The following BUB1 variants were observed in gnomAD, a reference collection of about 807,000 sequenced individuals.
BUB1 encodes mitotic checkpoint serine/threonine-protein kinase BUB1.
Under a neutral mutation model 135.2 loss-of-function variants are expected in BUB1, and 84 were observed. That is an observed-to-expected ratio of 0.62 (90% CI 0.52 to 0.74). BUB1 has a LOEUF of 0.74. BUB1 is among the 30% of genes least tolerant of loss of function. The pLI is 0.00. For missense variants in BUB1, 1,162 were observed against 1,288.3 expected, an observed-to-expected ratio of 0.90 and a Z score of 1.50; for synonymous variants, 403 against 434.4, an observed-to-expected ratio of 0.93 and a Z score of 0.90.
chr2:110,653,226 T>C (rs927791912), intron 17 of BUB1, among the ~76,000 whole-genome samples: 3 of 152,226 alleles, frequency 2.0e-5, no homozygotes, highest in Non-Finnish European at 2.9e-5. Flanking sequence ...ACCGGCCTGA[T>C]GTATCAAGTG....
intron 9 of BUB1, chr2:110,666,048 A>T (rs1690243167): frequency 4.9e-6 from 2 of 408,620 alleles, no homozygotes; most frequent in Non-Finnish European, 8.3e-6. Context: ...ACATGTACAC[A>T]TACACAAACA....
intron 24 of BUB1, 97 bp downstream of exon 24, chr2:110,639,645 G>A: frequency 1.0e-6 from 1 of 992,154 alleles, no homozygotes; most frequent in Middle Eastern, 2.1e-4. Context: ...GGATTTCCAT[G>A]CGGTGGCAGA....
chr2:110,667,375 T>C, intron 8 of BUB1, 146 bp downstream of exon 8: 2 of 909,220 alleles, frequency 2.2e-6, no homozygotes, highest in East Asian at 2.8e-5. Flanking sequence ...GGGTTAATAA[T>C]GATTTCTGGG....
intron 8 of BUB1, 137 bp downstream of exon 8, chr2:110,667,384 G>T: frequency 1.1e-6 from 1 of 950,134 alleles, no homozygotes; most frequent in Non-Finnish European, 1.5e-6. Flanking sequence ...ATGATTTCTG[G>T]GCTTCTGATA....
chr2:110,644,216 G>A (rs1248017100), intron 19 of BUB1, among the ~76,000 whole-genome samples: 4 of 151,858 alleles, frequency 2.6e-5, no homozygotes, highest in Non-Finnish European at 4.4e-5. Context: ...CGGGTGCAGC[G>A]GCTCACACCT....
chr2:110,662,007 C>T (rs913124348), intron 9 of BUB1, 166 bp from the exon 10 acceptor site: 2 of 765,786 alleles, frequency 2.6e-6, no homozygotes, highest in Non-Finnish European at 4.1e-6. Context: ...GTACAGTCAA[C>T]AACAAAAAGA....
Position 110,674,099 on chromosome 2 carries a change from T to A in BUB1, c.212A>T (p.Tyr71Phe). 1 of 1,529,820 alleles carries A rather than the reference T, an allele frequency of 6.5e-7. No homozygotes were observed. Among genetic ancestry groups the A allele is most frequent in the Non-Finnish European group, 9.0e-7 (1 of 1,109,400 alleles). 94.8% of individuals were successfully genotyped at this position (1,529,820 alleles called of 1,614,324 possible). The part of the protein sequence containing the change: ...KYHNDPRFIS[Y>F]CLKFAEYNSD... ...AAGTATACTTACAAATTTTAAACAATAACTGATGAATCTTGGGTCATTGTG... is the reference window on the plus strand; with the variant it reads ...AAGTATACTTACAAATTTTAAACAAAAACTGATGAATCTTGGGTCATTGTG... The change falls in exon 3 of 25, where the codon TAT becomes TTT. Residue 71 changes from tyrosine (Y) to phenylalanine (F), a missense_variant. Transcript: ENST00000302759.
intron 24 of BUB1, among the ~76,000 whole-genome samples, chr2:110,638,829 A>G (rs2104511405): frequency 6.6e-6 from 1 of 152,382 alleles, no homozygotes; most frequent in East Asian, 1.9e-4. Flanking sequence ...CTCATTATGC[A>G]GAATAAAGAA....
Position 110,641,641 on chromosome 2 carries a change from C to T in BUB1, c.2625+1G>A, listed in dbSNP as rs1479870307. Reference sequence around the variant, plus strand: ...TGCTCATCATAAAAATGAATACTTACTAATAATGTTCCATAGCTGTAGAGC... The same window carrying T: ...TGCTCATCATAAAAATGAATACTTATTAATAATGTTCCATAGCTGTAGAGC... On this transcript the variant is annotated splice_donor_variant, in intron 21 of 24. Transcript: ENST00000302759. LOFTEE classifies it high-confidence loss of function. 1.3e-5 allele frequency: 21 copies of T among 1,609,858 alleles called. No homozygotes were observed. The highest frequency in any genetic ancestry group is 1.7e-5 in the Non-Finnish European group (20 of 1,178,982).
At chr2:110,673,568 A>C (rs141771081) in intron 3 of BUB1, among the ~76,000 whole-genome samples, 135 of 151,588 alleles carry the variant, frequency 8.9e-4, no homozygotes, top group African/African-American at 3.2e-3. Flanking sequence ...GCTGGTAGAG[A>C]GAAGTCCGCA....
At chr2:110,663,406 A>G (rs969724258) in intron 9 of BUB1, among the ~76,000 whole-genome samples, 7 of 152,234 alleles carry the variant, frequency 4.6e-5, no homozygotes, top group African/African-American at 9.6e-5. Flanking sequence ...CATGGTAAAG[A>G]TATTTTAAAT....
intron 19 of BUB1, among the ~76,000 whole-genome samples, chr2:110,644,904 A>T (rs1689604042): frequency 6.6e-6 from 1 of 152,172 alleles, no homozygotes; most frequent in Non-Finnish European, 1.5e-5. Flanking sequence ...TTAACCACTT[A>T]AAAAAATTTT....
At position 110,667,783 on chromosome 2, in the gene BUB1, C is replaced by G; in HGVS notation, c.620+14G>C. 1 of 1,612,286 alleles carries G rather than the reference C, an allele frequency of 6.2e-7. No homozygotes were observed. The highest frequency in any genetic ancestry group is 8.5e-7 in the Non-Finnish European group (1 of 1,179,184). ...AGGAAACTAATAATAGATTAATGCA[C>G]TGATTATACTTGCATATTTGACTCT... On this transcript the variant is annotated intron_variant, in intron 7 of 24. Coordinates refer to ENST00000302759, the MANE Select transcript of BUB1 (RefSeq NM_004336.5).
At chr2:110,658,580 A>G in intron 12 of BUB1, 34 bp downstream of exon 12, 1 of 1,614,084 alleles carries the variant, frequency 6.2e-7, no homozygotes, top group Non-Finnish European at 8.5e-7. Context: ...TTAACTTGTC[A>G]TCAGGTGCTA....
chr2:110,641,531 C>T, intron 21 of BUB1, 67 bp from the exon 22 acceptor site: 1 of 1,559,352 alleles, frequency 6.4e-7, no homozygotes, highest in Non-Finnish European at 8.7e-7. Flanking sequence ...AAATTGAGAG[C>T]TTTGCCCCTG....
chr2:110,638,224 C>G, intron 24 of BUB1, 65 bp from the exon 25 acceptor site: 2 of 1,334,070 alleles, frequency 1.5e-6, no homozygotes, highest in Non-Finnish European at 2.0e-6. Context: ...TAACCCCACC[C>G]CTGCATCTGA....
chr2:110,670,832 T>C (rs1690399721), intron 4 of BUB1, among the ~76,000 whole-genome samples: 1 of 152,222 alleles, frequency 6.6e-6, no homozygotes, highest in East Asian at 1.9e-4. Flanking sequence ...CATATAAAAA[T>C]GCACCCTCTT....
chr2:110,654,366 A>T (rs1438930171), intron 16 of BUB1, among the ~76,000 whole-genome samples: 1 of 152,190 alleles, frequency 6.6e-6, no homozygotes, highest in Non-Finnish European at 1.5e-5. Context: ...AAAAAAATCT[A>T]TCTATAGATA....
At chr2:110,673,191 C>A (rs1195111784) in intron 3 of BUB1, among the ~76,000 whole-genome samples, 1 of 152,202 alleles carries the variant, frequency 6.6e-6, no homozygotes, top group Non-Finnish European at 1.5e-5. Context: ...GGTGTCACAC[C>A]TGGAAAGGGC....
Sources: gnomAD v4.1 joint callset for allele counts (sites outside exome capture counted in the v4.1 genomes callset) on GRCh38, gnomAD v4.1.1 for gene constraint, MANE v1.5 for transcripts, NCBI Gene and HGNC (gene_info 2026-07-23, HGNC 2026-07-21) for gene names.